The following PRKCH variants were observed in gnomAD, a reference collection of about 807,000 sequenced individuals.
PRKCH encodes protein kinase C eta type.
PRKCH carries 28 observed loss-of-function variants against 82.5 expected under a neutral mutation model. The ratio of observed to expected loss-of-function variants is 0.34; its 90% confidence interval spans 0.25 to 0.47. The LOEUF (loss-of-function observed/expected upper bound fraction) is 0.47, where lower values mean the gene tolerates loss of function less well. Ranked by LOEUF, PRKCH falls within the 20% of genes least tolerant of loss-of-function variation. PRKCH has a pLI of 1.00. For synonymous variants in PRKCH, 322 were observed against 327.4 expected (o/e 0.98, Z 0.18); for missense variants, 705 against 881.8 (o/e 0.80, Z 2.54).
chr14:61,374,034 A>G (rs866810678), intron 1 of PRKCH, among the ~76,000 whole-genome samples: 4 of 152,162 alleles, frequency 2.6e-5, no homozygotes, highest in East Asian at 1.9e-4. Flanking sequence ...CTAAGATGCA[A>G]TGGGGGTACA....
intron 2 of PRKCH, among the ~76,000 whole-genome samples, chr14:61,406,618 C>T (rs1881967114): frequency 6.6e-6 from 1 of 151,910 alleles, no homozygotes; most frequent in South Asian, 2.1e-4. Flanking sequence ...CTTAAAATGA[C>T]AACAACAATT....
At chr14:61,326,346 C>A (rs2045696498) in intron 1 of PRKCH, among the ~76,000 whole-genome samples, 1 of 152,076 alleles carries the variant, frequency 6.6e-6, no homozygotes, top group Non-Finnish European at 1.5e-5. Context: ...CAAAAAAGTA[C>A]GGTTTCATTT....
At position 61,461,158 on chromosome 14, in the gene PRKCH, C is replaced by G. The variant is rs1322592398; in HGVS notation, c.1278+3479C>G. Reference sequence around the variant, plus strand: ...CCTGGAGCCCATGCTGCTCCTGCCCCCATCCTCTGCTTTCCCTCTGCTGGA... The same window carrying G: ...CCTGGAGCCCATGCTGCTCCTGCCCGCATCCTCTGCTTTCCCTCTGCTGGA... On this transcript the variant is annotated intron_variant, in intron 9 of 13. Transcript: ENST00000332981. Among the ~76,000 whole-genome samples the G allele has an allele frequency of 2.0e-5, 3 of 152,216 alleles. No homozygotes were observed. In the East Asian group the frequency reaches 5.8e-4, roughly 29 times the overall value.
intron 1 of PRKCH, among the ~76,000 whole-genome samples, chr14:61,212,170 A>G (rs566317228): frequency 6.6e-6 from 1 of 152,334 alleles, no homozygotes; most frequent in African/African-American, 2.4e-5. Flanking sequence ...CGCACATGGA[A>G]AAACACAATA....
chr14:61,526,785 C>T (rs865782378), intron 10 of PRKCH, among the ~76,000 whole-genome samples: 1 of 152,276 alleles, frequency 6.6e-6, no homozygotes, highest in African/African-American at 2.4e-5. Context: ...GACGCCACAG[C>T]GAGGGGGGCT....
At position 61,300,329 on chromosome 14, in the gene PRKCH, T is replaced by A. The variant is rs572160143; in HGVS notation, c.-19+112661T>A. Among the ~76,000 whole-genome samples, 3 of 152,352 alleles carry A rather than the reference T, an allele frequency of 2.0e-5. No individual in the cohort carries two copies. In the South Asian group the frequency reaches 6.2e-4, roughly 32 times the overall value. ...TAAATCATCTTCTCAAGACCAATAG[T>A]ATATTCTGACTGAAAGAATCTCCAT... is the stretch of plus-strand genomic sequence containing the variant. On this transcript the variant is annotated intron_variant, in intron 1 of 3. Coordinates refer to the PRKCH transcript ENST00000555185.
At chr14:61,385,032 T>C (rs987386367) in intron 1 of PRKCH, among the ~76,000 whole-genome samples, 3 of 152,106 alleles carry the variant, frequency 2.0e-5, no homozygotes, top group African/African-American at 7.3e-5. Context: ...ATCACATTTT[T>C]TTAAAGACCA....
At chr14:61,253,448 C>T (rs1253343882) in intron 1 of PRKCH, among the ~76,000 whole-genome samples, 5 of 151,748 alleles carry the variant, frequency 3.3e-5, no homozygotes, top group African/African-American at 1.2e-4. Flanking sequence ...TCAAAGAAAA[C>T]TTGGCACACC....
Position 61,529,104 on chromosome 14 carries a change from A to C in PRKCH, c.1463A>C (p.Asp488Ala). The C allele has an allele frequency of 1.2e-6, 2 of 1,613,592 alleles. No individual in the cohort carries two copies. The highest frequency in any genetic ancestry group is 1.7e-6 in the Non-Finnish European group (2 of 1,179,800). Residue 488 changes from aspartate (D) to alanine (A), a missense_variant, in exon 11 of 14, where the codon GAC becomes GCC. Asp to Ala is a moderately radical substitution (Grantham distance 126). Around this residue, in one of 5 missense-constraint regions of PRKCH, gnomAD observed 115 missense variants for 193.8 expected, o/e 0.59. Coordinates refer to ENST00000332981, the MANE Select transcript of PRKCH (RefSeq NM_006255.5). ...RDLKLDNVLL[D>A]HEGHCKLADF... ...CTGAAACTGGACAATGTCCTGTTGG[A>C]CCACGAGGGTCACTGTAAACTGGCA...
At chr14:61,298,456 G>T (rs918888342) in intron 1 of PRKCH, 2 of 152,004 alleles carry the variant, frequency 1.3e-5, no homozygotes, top group Non-Finnish European at 2.9e-5. Context: ...CTTACCCAGG[G>T]ATGAGGGGAA....
chr14:61,462,013 T>G lies in PRKCH; in HGVS notation c.1278+4334T>G, dbSNP rs959308935. Among the ~76,000 whole-genome samples the G allele has an allele frequency of 1.4e-4, 22 of 152,262 alleles. 1 individual carries two copies. The highest frequency in any genetic ancestry group is 7.7e-4 in the East Asian group (4 of 5,186). ...AAAGGCATGGAACTGCCATTGCGGT[T>G]TAAGATGTGTGTGTTGTAGTAGATG... On this transcript the variant is annotated intron_variant, in intron 9 of 13. Transcript: ENST00000332981.
At chr14:61,432,352 T>C (rs1199435789) in intron 2 of PRKCH, among the ~76,000 whole-genome samples, 1 of 152,246 alleles carries the variant, frequency 6.6e-6, no homozygotes. Flanking sequence ...CTTTCTTGTA[T>C]AGCTCAAACC....
intron 12 of PRKCH, among the ~76,000 whole-genome samples, chr14:61,537,001 G>A (rs770649511): frequency 2.6e-5 from 4 of 152,160 alleles, no homozygotes; most frequent in South Asian, 2.1e-4. Context: ...CAGTGGGTGC[G>A]GGGGTAGCTT....
At chr14:61,402,522 C>G (rs181435439) in intron 2 of PRKCH, among the ~76,000 whole-genome samples, 37 of 152,274 alleles carry the variant, frequency 2.4e-4, no homozygotes, top group African/African-American at 8.7e-4. Context: ...TCAGGCTGGG[C>G]GCAGTGGCTC....
At chr14:61,216,891 C>T (rs761939323) in intron 1 of PRKCH, among the ~76,000 whole-genome samples, 37 of 152,192 alleles carry the variant, frequency 2.4e-4, no homozygotes, top group Non-Finnish European at 2.8e-4. Context: ...GTTATTCTGG[C>T]GTTTAAAAAT....
At chr14:61,296,457 C>T (rs999527073) in intron 1 of PRKCH, among the ~76,000 whole-genome samples, 1 of 152,160 alleles carries the variant, frequency 6.6e-6, no homozygotes, top group Non-Finnish European at 1.5e-5. Context: ...ATTCCTTTGA[C>T]CCCAGAACTG....
intron 12 of PRKCH, among the ~76,000 whole-genome samples, chr14:61,540,273 A>G (rs1004784317): frequency 6.6e-6 from 1 of 152,280 alleles, no homozygotes; most frequent in Non-Finnish European, 1.5e-5. Context: ...GAAGTACAAC[A>G]CAAGGAAACA....
intron 1 of PRKCH, among the ~76,000 whole-genome samples, chr14:61,388,147 C>CAAAAA (rs569642184): frequency 6.8e-5 from 6 of 87,830 alleles, no homozygotes; most frequent in African/African-American, 1.5e-4. Flanking sequence ...GACTCTGTCT[C>CAAAAA]AAAAAAAAAA....
intron 1 of PRKCH, among the ~76,000 whole-genome samples, chr14:61,230,186 C>T (rs1018262195): frequency 4.6e-5 from 7 of 152,284 alleles, no homozygotes; most frequent in African/African-American, 1.7e-4. Context: ...ACCTTAGAGG[C>T]TGTGTGGGTG....
Sources: gnomAD v4.1 joint callset for allele counts (sites outside exome capture counted in the v4.1 genomes callset) on GRCh38, gnomAD v4.1.1 for gene constraint, gnomAD v4.1.1 regional missense constraint, MANE v1.5 for transcripts, NCBI Gene and HGNC (gene_info 2026-07-23, HGNC 2026-07-21) for gene names.